The following POU1F1 variants were observed in gnomAD, a reference collection of about 807,000 sequenced individuals.
POU1F1 encodes the protein POU class 1 homeobox 1.
POU1F1 carries 23 observed loss-of-function variants against 32.3 expected under a neutral mutation model. That is an observed-to-expected ratio of 0.71 (90% CI 0.51 to 1.01). POU1F1 has a LOEUF of 1.01. POU1F1 is among the 50% of genes least tolerant of loss of function. The probability of loss-of-function intolerance (pLI) is 0.00; values close to 1 mark genes in which losing one functional copy is unlikely to be tolerated. For missense variants in POU1F1, 323 were observed against 341.6 expected, an observed-to-expected ratio of 0.95 and a Z score of 0.43; for synonymous variants, 120 against 115.6, an observed-to-expected ratio of 1.04 and a Z score of -0.25.
Position 87,276,334 on chromosome 3 carries a change from A to G in POU1F1, c.129T>C (p.Asn43=). The change falls in exon 1 of 6, where the codon AAT becomes AAC. Residue 43 remains asparagine (N), a synonymous_variant. Coordinates refer to ENST00000350375, the MANE Select transcript of POU1F1 (RefSeq NM_000306.4). The stretch of plus-strand genomic sequence containing the variant: ...AGGAGTCAGTACCTGTAGACATCAC[A>G]TTGGTGGCATGGTTGGAGACTGGTA... ...ECLPVSNHAT[N]VMSTATGLHY... The G allele has an allele frequency of 6.2e-7, 1 of 1,613,960 alleles. No individual in the cohort carries two copies. Among genetic ancestry groups the G allele is most frequent in the Non-Finnish European group, 8.5e-7 (1 of 1,179,874 alleles).
chr3:87,265,306 G>A (rs1706597466), intron 2 of POU1F1, among the ~76,000 whole-genome samples: 1 of 152,004 alleles, frequency 6.6e-6, no homozygotes, highest in South Asian at 2.1e-4. Context: ...CTTTATATAT[G>A]ATAAGTGATT....
At chr3:87,260,787 A>G (rs1175752192) in intron 5 of POU1F1, among the ~76,000 whole-genome samples, 1 of 151,998 alleles carries the variant, frequency 6.6e-6, no homozygotes, top group Admixed American at 6.6e-5. Flanking sequence ...TCTTGAATCA[A>G]ACAATACATA....
At chr3:87,261,164 A>G (rs1706507872) in intron 5 of POU1F1, 109 bp downstream of exon 5, 4 of 852,924 alleles carry the variant, frequency 4.7e-6, no homozygotes. Flanking sequence ...TTGGCCTCCC[A>G]ATTCACCTTA....
At chr3:87,267,758 C>A (rs1825898) in intron 2 of POU1F1, among the ~76,000 whole-genome samples, 1 of 152,082 alleles carries the variant, frequency 6.6e-6, no homozygotes. Context: ...GCATGCACCG[C>A]CATGCTCATC....
rs143471841 is a variant in POU1F1, at chr3:87,262,102, G to T, written c.573C>A (p.Ser191=). 1.5e-5 allele frequency: 24 copies of T among 1,614,058 alleles called. No individual in the cohort carries two copies. Among genetic ancestry groups the T allele is most frequent in the Non-Finnish European group, 1.9e-5 (23 of 1,179,970 alleles). The part of the protein sequence containing the change: ...KNACKLKAIL[S]KWLEEAEQVG... ...CTTGCTCAGCTTCCTCCAGCCATTT[G>T]GATAATATTGCTTTCAGTTTGCATG... is the stretch of plus-strand genomic sequence containing the variant. Residue 191 remains serine (S), a synonymous_variant, in exon 4 of 6, where the codon TCC becomes TCA. Transcript: ENST00000350375.
chr3:87,274,074 G>A lies in POU1F1; in HGVS notation c.143-656C>T, dbSNP rs537642638. Among the ~76,000 whole-genome samples, 4 of 152,156 alleles carry A rather than the reference G, an allele frequency of 2.6e-5. No individual in the cohort carries two copies. The East Asian group carries it at 5.8e-4, about 22-fold the overall frequency. The stretch of plus-strand genomic sequence containing the variant: ...TTTATTTTGATGTTGAAACCATGAG[G>A]TTGTTAGTTGTCTGCATATACACAA... On this transcript the variant is annotated intron_variant, in intron 1 of 5. Coordinates refer to ENST00000350375, the MANE Select transcript of POU1F1 (RefSeq NM_000306.4).
rs1334311804 is a variant in POU1F1 at position 87,276,316 on chromosome 3, A to G, written c.142+5T>C. ...TCATATGTAAACTGTCATAGGAGTC[A>G]GTACCTGTAGACATCACATTGGTGG... On this transcript the variant is annotated splice_donor_5th_base_variant and intron_variant, in intron 1 of 5. Transcript: ENST00000350375. The G allele has an allele frequency of 1.9e-6, 3 of 1,613,792 alleles. No individual in the cohort carries two copies. The highest frequency in any genetic ancestry group is 2.5e-6 in the Non-Finnish European group (3 of 1,179,690).
chr3:87,264,090 A>C (rs1244853513), intron 3 of POU1F1, among the ~76,000 whole-genome samples, 198 bp downstream of exon 3: 1 of 152,112 alleles, frequency 6.6e-6, no homozygotes. Context: ...TATTAATTTA[A>C]AAATTATGTA....
chr3:87,272,079 GTT>G (rs199977557), intron 2 of POU1F1, among the ~76,000 whole-genome samples: 1 of 144,272 alleles, frequency 6.9e-6, no homozygotes, highest in Admixed American at 6.9e-5. Flanking sequence ...TTTGTCTGCG[GTT>G]TTTTTTTTTT....
intron 2 of POU1F1, among the ~76,000 whole-genome samples, chr3:87,266,179 T>A (rs1439062935): frequency 1.3e-5 from 2 of 148,274 alleles, no homozygotes; most frequent in Non-Finnish European, 3.0e-5. Context: ...TTGGTTTATA[T>A]TTTTTATATA....
chr3:87,273,433 G>A lies in POU1F1; in HGVS notation c.143-15C>T, dbSNP rs2106940756. The A allele has an allele frequency of 6.2e-7, 1 of 1,611,868 alleles. No homozygotes were observed. The highest frequency in any genetic ancestry group is 8.5e-7 in the Non-Finnish European group (1 of 1,178,546). ...AAGTCCTGTTGCTGTGTTTCCCAAC[G>A]TTGTCACCGAGAAATGTGTGCACAA... is the stretch of plus-strand genomic sequence containing the variant. On this transcript the variant is annotated splice_polypyrimidine_tract_variant and intron_variant, in intron 1 of 5. Coordinates refer to ENST00000350375, the MANE Select transcript of POU1F1 (RefSeq NM_000306.4).
intron 2 of POU1F1, among the ~76,000 whole-genome samples, chr3:87,271,838 G>A (rs902646224): frequency 6.6e-6 from 1 of 152,042 alleles, no homozygotes; most frequent in Non-Finnish European, 1.5e-5. Context: ...ACAGGTCATT[G>A]TTAAGAACAC....
chr3:87,273,337 C>A lies in POU1F1; in HGVS notation c.214+10G>T. The A allele has an allele frequency of 6.2e-7, 1 of 1,609,958 alleles. No homozygotes were observed. The highest frequency in any genetic ancestry group is 1.3e-5 in the African/African-American group (1 of 74,796). ...AAATTCAATAACATGTAAAAGACAACTTTTCTTACCTGCCATCACTCCATA... is the reference window on the plus strand; with the variant it reads ...AAATTCAATAACATGTAAAAGACAAATTTTCTTACCTGCCATCACTCCATA... On this transcript the variant is annotated intron_variant, in intron 2 of 5. Coordinates refer to ENST00000350375, the MANE Select transcript of POU1F1 (RefSeq NM_000306.4).
chr3:87,265,453 T>C (rs1706601719), intron 2 of POU1F1, among the ~76,000 whole-genome samples: 1 of 152,036 alleles, frequency 6.6e-6, no homozygotes, highest in Non-Finnish European at 1.5e-5. Context: ...TTGGGAAGTA[T>C]AGGTGAGAGG....
chr3:87,269,920 C>T (rs1706694867), intron 2 of POU1F1, among the ~76,000 whole-genome samples: 1 of 152,156 alleles, frequency 6.6e-6, no homozygotes, highest in Non-Finnish European at 1.5e-5. Context: ...GCTGTTTCCA[C>T]AGGACAGCAG....
intron 1 of POU1F1, among the ~76,000 whole-genome samples, chr3:87,273,764 T>G (rs542594582): frequency 6.6e-6 from 1 of 152,290 alleles, no homozygotes; most frequent in South Asian, 2.1e-4. Flanking sequence ...ACCTTGGCCC[T>G]TTGGGAGTTG....
chr3:87,273,973 C>A (rs981907940), intron 1 of POU1F1, among the ~76,000 whole-genome samples: 1 of 152,086 alleles, frequency 6.6e-6, no homozygotes, highest in Admixed American at 6.6e-5. Context: ...GAGCAAGTAG[C>A]CTTTTATTAG....
intron 1 of POU1F1, among the ~76,000 whole-genome samples, chr3:87,275,465 G>A (rs1706809528): frequency 6.6e-6 from 1 of 151,902 alleles, no homozygotes; most frequent in African/African-American, 2.4e-5. Context: ...CTAAATATGA[G>A]AAAAATTGCA....
At position 87,276,305 on chromosome 3, in the gene POU1F1, T is replaced by C. The variant is rs1575984437; in HGVS notation, c.142+16A>G. The C allele has an allele frequency of 1.9e-6, 3 of 1,612,724 alleles. No homozygotes were observed. The highest frequency in any genetic ancestry group is 2.5e-6 in the Non-Finnish European group (3 of 1,178,760). ...TTTAGGCCCGGTCATATGTAAACTG[T>C]CATAGGAGTCAGTACCTGTAGACAT... On this transcript the variant is annotated intron_variant, in intron 1 of 5. Coordinates refer to ENST00000350375, the MANE Select transcript of POU1F1 (RefSeq NM_000306.4).
Sources: allele counts gnomAD v4.1 joint callset (sites outside exome capture counted in the v4.1 genomes callset), GRCh38; gene constraint gnomAD v4.1.1; transcripts MANE v1.5; gene names NCBI Gene and HGNC (gene_info 2026-07-23, HGNC 2026-07-21).